Variants in HECW1 observed in about 807,000 individuals in gnomAD.
HECW1 encodes HECT, C2 and WW domain containing E3 ubiquitin protein ligase 1, also known as E3 ubiquitin-protein ligase HECW1.
In HECW1, 61 loss-of-function variants were observed where a neutral mutation model predicts 182.3. The ratio of observed to expected loss-of-function variants is 0.33; its 90% confidence interval spans 0.27 to 0.41. The LOEUF (loss-of-function observed/expected upper bound fraction) is 0.41, where lower values mean the gene tolerates loss of function less well. HECW1 is among the 10% of genes least tolerant of loss of function. The pLI is 1.00. For missense variants in HECW1, 1,739 were observed against 2,108.9 expected (o/e 0.82, Z 3.44); for synonymous variants, 859 against 832.6 (o/e 1.03, Z -0.55).
rs528872025 is a variant in HECW1, at chr7:43,243,949, G to T, written c.27+17G>T. 20 of 1,590,742 alleles carry T rather than the reference G, an allele frequency of 1.3e-5. No homozygotes were observed. The South Asian group carries it at 2.1e-4, about 17-fold the overall frequency. ...AGTGTGAAGGTCAGTGTGCTTTTCT[G>T]ATTATAAGAAACCATCCATGTCATT... On this transcript the variant is annotated intron_variant, in intron 3 of 29. Coordinates refer to ENST00000395891, the MANE Select transcript of HECW1 (RefSeq NM_015052.5). This position sits in a 1 kb window ranked among gnomAD's most constrained non-coding sequence, Gnocchi z 4.0.
rs537333799 is a variant in HECW1 at position 43,118,635 on chromosome 7, T to G, written c.-32+4244T>G. ...CTTTACCGTTATTCATAATTCCTTG[T>G]GCCATCAAAACTTAAAACTACTTAA... On this transcript the variant is annotated intron_variant, in intron 2 of 29. Transcript: ENST00000395891. 7.9e-5 allele frequency: 12 copies of G among 152,324 alleles called. No homozygotes were observed. In the East Asian group the frequency reaches 1.7e-3, roughly 22 times the overall value. 9.4% of individuals were successfully genotyped at this position (152,324 alleles called of 1,614,324 possible). A position where few individuals can be genotyped will look rare whatever the true frequency, so the allele number is the denominator to read the frequency against.
At chr7:43,340,900 G>A (rs1397646331) in intron 5 of HECW1, among the ~76,000 whole-genome samples, 2 of 151,714 alleles carry the variant, frequency 1.3e-5, no homozygotes, top group African/African-American at 4.9e-5. Context: ...CAAAGACTTG[G>A]AACCAACCCA....
At chr7:43,422,818 T>C (rs1202688115) in intron 8 of HECW1, among the ~76,000 whole-genome samples, 2 of 152,198 alleles carry the variant, frequency 1.3e-5, no homozygotes, top group Non-Finnish European at 2.9e-5. Flanking sequence ...CAAAACCTTT[T>C]TGATGGAGCA....
At position 43,501,283 on chromosome 7, in the gene HECW1, C is replaced by T. The variant is rs1241870140; in HGVS notation, c.3592C>T (p.Pro1198Ser). 1.2e-6 allele frequency: 2 copies of T among 1,609,920 alleles called. No individual in the cohort carries two copies. Among genetic ancestry groups the T allele is most frequent in the Non-Finnish European group, 1.7e-6 (2 of 1,177,604 alleles). ...CTTCCACCCTGGGTATAGCTTCTCT[C>T]CCCGATGTTCACCCTGTTCTTCACC... ...AAFHPGYSFSPRCSPCSSPQN... is the reference protein window; with the variant it reads ...AAFHPGYSFSSRCSPCSSPQN... Residue 1198 changes from proline (P) to serine (S), a missense_variant, in exon 21 of 30, where the codon CCC becomes TCC. By Grantham distance (74) the Pro-to-Ser change is moderately conservative (BLOSUM62 -1). Around this residue, in one of 5 missense-constraint regions of HECW1, gnomAD observed 420 missense variants for 595.7 expected, o/e 0.71. Coordinates refer to ENST00000395891, the MANE Select transcript of HECW1 (RefSeq NM_015052.5).
intron 5 of HECW1, among the ~76,000 whole-genome samples, chr7:43,357,389 A>G (rs1296766111): frequency 6.6e-6 from 1 of 152,222 alleles, no homozygotes; most frequent in African/African-American, 2.4e-5. Context: ...GTCACAAAAA[A>G]GAATGGAATT....
chr7:43,419,208 A>G (rs2076106353), intron 8 of HECW1, among the ~76,000 whole-genome samples: 1 of 152,034 alleles, frequency 6.6e-6, no homozygotes, highest in African/African-American at 2.4e-5. Flanking sequence ...AGATAGTGAG[A>G]TTTGTATTGG....
intron 3 of HECW1, among the ~76,000 whole-genome samples, chr7:43,292,876 A>G (rs548529562): frequency 6.6e-6 from 1 of 152,316 alleles, no homozygotes; most frequent in East Asian, 1.9e-4. Flanking sequence ...TGAACAAAGA[A>G]TTGGACAAAA....
intron 27 of HECW1, among the ~76,000 whole-genome samples, chr7:43,551,319 A>G (rs1420719961): frequency 2.0e-5 from 3 of 152,150 alleles, no homozygotes; most frequent in African/African-American, 7.2e-5. Flanking sequence ...AGGAGGGAGG[A>G]AGGAAGTGAG....
At chr7:43,301,689 A>G (rs543515066) in intron 3 of HECW1, among the ~76,000 whole-genome samples, 1 of 152,264 alleles carries the variant, frequency 6.6e-6, no homozygotes, top group African/African-American at 2.4e-5. Context: ...CCTGGCCAAC[A>G]TGGTGAAACC....
At chr7:43,198,526 C>A (rs914966098) in intron 2 of HECW1, among the ~76,000 whole-genome samples, 1 of 150,886 alleles carries the variant, frequency 6.6e-6, no homozygotes, top group African/African-American at 2.4e-5. Flanking sequence ...ACCACAGACA[C>A]CACACTCACA....
chr7:43,235,693 G>A (rs1004613940), intron 2 of HECW1, among the ~76,000 whole-genome samples: 8 of 152,096 alleles, frequency 5.3e-5, no homozygotes, highest in Non-Finnish European at 1.2e-4. Flanking sequence ...AACAAGATAC[G>A]TGAATCTTTA....
intron 5 of HECW1, among the ~76,000 whole-genome samples, chr7:43,333,670 T>C (rs1329974977): frequency 6.6e-6 from 1 of 152,216 alleles, no homozygotes; most frequent in African/African-American, 2.4e-5. Context: ...ATGAGACTTA[T>C]GCTGAAGGAC....
chr7:43,451,839 A>T (rs1420299413), intron 12 of HECW1, among the ~76,000 whole-genome samples: 1 of 152,200 alleles, frequency 6.6e-6, no homozygotes, highest in Non-Finnish European at 1.5e-5. Flanking sequence ...TTTTACAACT[A>T]CGAAATCTTT....
intron 23 of HECW1, 197 bp from the exon 24 acceptor site, chr7:43,508,772 A>G: frequency 1.7e-6 from 1 of 604,138 alleles, no homozygotes; most frequent in Non-Finnish European, 2.9e-6. Context: ...GTTAAGAAAC[A>G]TCTCCAAACC....
intron 5 of HECW1, among the ~76,000 whole-genome samples, chr7:43,345,447 T>C (rs1356215419): frequency 2.0e-5 from 3 of 152,140 alleles, no homozygotes; most frequent in African/African-American, 7.2e-5. Flanking sequence ...TATTTTATTT[T>C]CCATAAGTTA....
intron 5 of HECW1, among the ~76,000 whole-genome samples, chr7:43,351,719 T>A (rs998132188): frequency 1.3e-5 from 2 of 150,774 alleles, no homozygotes; most frequent in Admixed American, 1.3e-4. Flanking sequence ...TCTTTGCATG[T>A]GCTTGGTCAA....
chr7:43,494,424 C>T (rs548882018), intron 19 of HECW1, among the ~76,000 whole-genome samples: 6 of 152,160 alleles, frequency 3.9e-5, no homozygotes, highest in African/African-American at 7.2e-5. Flanking sequence ...GAGTTACCTA[C>T]GTAAAGCATA....
intron 2 of HECW1, chr7:43,240,128 G>C (rs1228068025): frequency 2.0e-5 from 3 of 152,228 alleles, no homozygotes; most frequent in African/African-American, 4.8e-5. Context: ...GAATCACGAG[G>C]TCAGGAGATC....
chr7:43,212,367 C>T (rs1796077531), intron 2 of HECW1, among the ~76,000 whole-genome samples: 2 of 152,124 alleles, frequency 1.3e-5, no homozygotes, highest in East Asian at 3.9e-4. Context: ...GCTATTATTA[C>T]TAAACAAAAT....
Sources: allele counts gnomAD v4.1 joint callset (sites outside exome capture counted in the v4.1 genomes callset), GRCh38; gene constraint gnomAD v4.1.1; regional missense constraint gnomAD v4.1.1; non-coding constraint Gnocchi (gnomAD v3.1); transcripts MANE v1.5; gene names NCBI Gene and HGNC (gene_info 2026-07-23, HGNC 2026-07-21).